The following TENM1 variants were observed in gnomAD, a reference collection of about 807,000 sequenced individuals.
The protein encoded by TENM1 is teneurin-1.
TENM1 carries 35 observed loss-of-function variants against 174.8 expected under a neutral mutation model. The observed-to-expected ratio is 0.20, with a 90% CI of 0.15 to 0.27. The LOEUF (loss-of-function observed/expected upper bound fraction) is 0.27, where lower values mean the gene tolerates loss of function less well. Ranked by LOEUF, TENM1 falls within the 10% of genes least tolerant of loss-of-function variation. The pLI is 1.00. For missense variants in TENM1, 1,633 were observed against 2,130.1 expected, an observed-to-expected ratio of 0.77 and a Z score of 4.59; for synonymous variants, 781 against 798.7, an observed-to-expected ratio of 0.98 and a Z score of 0.37.
At chrX:124,608,548 G>C (rs1263675868) in intron 11 of TENM1, among the ~76,000 whole-genome samples, 1 of 111,666 alleles carries the variant, frequency 9.0e-6, no homozygotes, top group Non-Finnish European at 1.9e-5. Flanking sequence ...GCTGTCAGGA[G>C]CCTCACTGGC....
At chrX:124,917,868 G>T (rs2057952830) in intron 1 of TENM1, among the ~76,000 whole-genome samples, 1 of 111,859 alleles carries the variant, frequency 8.9e-6, no homozygotes, top group Non-Finnish European at 1.9e-5. Context: ...ACTATTATTT[G>T]CTCATCACTC....
chrX:125,043,086 T>C, the TENM1 span, among the ~76,000 whole-genome samples: 1 of 107,773 alleles, frequency 9.3e-6, no homozygotes, highest in Non-Finnish European at 1.9e-5. Context: ...GGCATTACCA[T>C]TCAGGACATA....
At chrX:124,931,847 G>A (rs1337701543) in intron 1 of TENM1, among the ~76,000 whole-genome samples, 1 of 107,181 alleles carries the variant, frequency 9.3e-6, no homozygotes, top group African/African-American at 3.4e-5. Flanking sequence ...GAGATTGTAA[G>A]GGGAGGGAGG....
At chrX:124,847,888 A>C (rs1382391920) in intron 3 of TENM1, among the ~76,000 whole-genome samples, 1 of 111,220 alleles carries the variant, frequency 9.0e-6, no homozygotes. Context: ...TATTATCAAG[A>C]CAATTGTATT....
intron 1 of TENM1, among the ~76,000 whole-genome samples, chrX:124,940,283 G>A (rs961917000): frequency 9.0e-6 from 1 of 111,696 alleles, no homozygotes; most frequent in African/African-American, 3.3e-5. Flanking sequence ...TATCAGGGTG[G>A]TAAGAAGAGA....
chrX:124,921,862 CTT>C (rs1465320822), intron 1 of TENM1, among the ~76,000 whole-genome samples: 1 of 111,830 alleles, frequency 8.9e-6, no homozygotes, highest in Non-Finnish European at 1.9e-5. Context: ...ATTTTTAAGA[CTT>C]AGCACAAAAG....
the TENM1 span, among the ~76,000 whole-genome samples, chrX:124,977,967 TGAGA>T: frequency 0.079 from 2,575 of 32,723 alleles, 65 homozygotes; most frequent in East Asian, 0.11. Flanking sequence ...TGTGTGTGTG[TGAGA>T]GAGAGAGAGA....
chrX:124,840,864 A>G (rs1436267758), intron 3 of TENM1, among the ~76,000 whole-genome samples: 3 of 111,996 alleles, frequency 2.7e-5, no homozygotes, highest in East Asian at 5.6e-4. Flanking sequence ...ATTTTATAAT[A>G]TACATTATAA....
chrX:124,762,938 T>C (rs756324116), intron 3 of TENM1, among the ~76,000 whole-genome samples: 3 of 111,272 alleles, frequency 2.7e-5, no homozygotes. Context: ...TCTTTACTTG[T>C]GTAGTCTTTA....
chrX:124,861,295 G>A (rs1368947826), intron 3 of TENM1, among the ~76,000 whole-genome samples: 1 of 111,280 alleles, frequency 9.0e-6, no homozygotes, highest in African/African-American at 3.3e-5. Flanking sequence ...TTTGCTTCCT[G>A]GGGTACCTAA....
chrX:124,597,117 T>G (rs186559613), intron 11 of TENM1, among the ~76,000 whole-genome samples: 16 of 111,091 alleles, frequency 1.4e-4, no homozygotes, highest in Non-Finnish European at 2.6e-4. Flanking sequence ...AGTGTGTAGA[T>G]TCCTTAAAGA....
chrX:125,109,391 C>T, the TENM1 span, among the ~76,000 whole-genome samples: 5 of 110,545 alleles, frequency 4.5e-5, no homozygotes, highest in Non-Finnish European at 1.9e-5. Flanking sequence ...ATTTTAAGTT[C>T]GGGGGTACGT....
intron 3 of TENM1, among the ~76,000 whole-genome samples, chrX:124,795,446 T>C (rs1352452667): frequency 3.6e-5 from 4 of 112,342 alleles, no homozygotes; most frequent in Non-Finnish European, 7.5e-5. Context: ...CTAAAAATAG[T>C]TACCTCAATA....
At chrX:125,009,833 C>A in the TENM1 span, among the ~76,000 whole-genome samples, 1 of 111,733 alleles carries the variant, frequency 8.9e-6, no homozygotes, top group Non-Finnish European at 1.9e-5. Context: ...AATTCAACAT[C>A]CCTTCATGTT....
intron 22 of TENM1, among the ~76,000 whole-genome samples, chrX:124,476,178 C>A (rs1464624015): frequency 1.8e-5 from 2 of 111,526 alleles, no homozygotes; most frequent in Non-Finnish European, 3.8e-5. Flanking sequence ...TCATAGACAC[C>A]AGTGACATCA....
At chrX:124,719,682 T>G (rs2053265669) in intron 4 of TENM1, among the ~76,000 whole-genome samples, 1 of 111,709 alleles carries the variant, frequency 9.0e-6, no homozygotes, top group East Asian at 2.8e-4. Context: ...ATTGGTTCAC[T>G]TTAATTATTC....
chrX:124,919,549 C>A (rs2057987665), intron 1 of TENM1, among the ~76,000 whole-genome samples: 1 of 109,413 alleles, frequency 9.1e-6, no homozygotes, highest in Non-Finnish European at 1.9e-5. Context: ...TAAGGAAAAG[C>A]AAGGGAATGA....
intron 23 of TENM1, among the ~76,000 whole-genome samples, 199 bp downstream of exon 26, chrX:124,453,138 T>C (rs936674637): frequency 8.9e-6 from 1 of 112,147 alleles, no homozygotes; most frequent in African/African-American, 3.2e-5. Flanking sequence ...TGACATTACT[T>C]CCATCCTCGC....
chrX:125,045,466 A>T, the TENM1 span, among the ~76,000 whole-genome samples: 1 of 111,765 alleles, frequency 8.9e-6, no homozygotes, highest in Non-Finnish European at 1.9e-5. Context: ...AGCAAACTAG[A>T]TTCTAGATTA....
Sources: allele counts gnomAD v4.1 joint callset (sites outside exome capture counted in the v4.1 genomes callset), GRCh38; gene constraint gnomAD v4.1.1; transcripts MANE v1.5; gene names NCBI Gene and HGNC (gene_info 2026-07-23, HGNC 2026-07-21).